The following GOLGA4 variants were observed in gnomAD, a reference collection of about 807,000 sequenced individuals.
The protein encoded by GOLGA4 is golgin subfamily A member 4.
A neutral mutation model predicts 265.9 loss-of-function variants in GOLGA4; 169 were observed. That is an observed-to-expected ratio of 0.64 (90% CI 0.56 to 0.72). The LOEUF (loss-of-function observed/expected upper bound fraction) is 0.72. Among genes scored for constraint, GOLGA4 ranks in the 30% least tolerant of loss-of-function variants. The probability of loss-of-function intolerance (pLI) is 0.00; values close to 1 mark genes in which losing one functional copy is unlikely to be tolerated. For missense variants in GOLGA4, 2,482 were observed against 2,483.4 expected, an observed-to-expected ratio of 1.00 and a Z score of 0.01; for synonymous variants, 923 against 855.8, an observed-to-expected ratio of 1.08 and a Z score of -1.37.
At chr3:37,306,094 A>G (rs1315692943) in intron 10 of GOLGA4, among the ~76,000 whole-genome samples, 1 of 152,254 alleles carries the variant, frequency 6.6e-6, no homozygotes, top group Non-Finnish European at 1.5e-5. Flanking sequence ...CTGTTATAAA[A>G]TACTGAGACT....
At chr3:37,261,004 CAA>C (rs11348079) in intron 2 of GOLGA4, among the ~76,000 whole-genome samples, 1,435 of 134,456 alleles carry the variant, frequency 0.011, 27 homozygotes, top group African/African-American at 0.034. Flanking sequence ...CTGTCTCTAC[CAA>C]AAAAAAAAAA....
rs1324818587 is a variant in GOLGA4, at chr3:37,337,166, A to G, written c.6327+3A>G. ...AGGTAACAATTATGGAGCTACAGGT[A>G]AGGCTAGTTCTTCTTTTTTTTTTTT... is the stretch of plus-strand genomic sequence containing the variant. On this transcript the variant is annotated splice_donor_region_variant and intron_variant, in intron 18 of 23. Transcript: ENST00000361924. 5 of 1,431,186 alleles carry G rather than the reference A, an allele frequency of 3.5e-6. No individual in the cohort carries two copies. The highest frequency in any genetic ancestry group is 3.9e-6 in the Non-Finnish European group (4 of 1,032,178). 88.7% of individuals were successfully genotyped at this position (1,431,186 alleles called of 1,614,324 possible). A position where few individuals can be genotyped will look rare whatever the true frequency, so the allele number is the denominator to read the frequency against.
At chr3:37,339,956 G>GTT (rs950068698) in intron 19 of GOLGA4, among the ~76,000 whole-genome samples, 168 bp from the exon 20 acceptor site, 2 of 146,614 alleles carry the variant, frequency 1.4e-5, no homozygotes, top group Non-Finnish European at 3.0e-5. Context: ...TTTAGTTTTA[G>GTT]TTTTTTTTTT....
chr3:37,302,788 A>G (rs1278204464), intron 10 of GOLGA4: 2 of 155,378 alleles, frequency 1.3e-5, no homozygotes, highest in Non-Finnish European at 2.8e-5. Context: ...TCTAAGTTAT[A>G]GTCTGCTTTT....
chr3:37,256,860 A>G (rs1379891882), intron 2 of GOLGA4, among the ~76,000 whole-genome samples: 2 of 151,772 alleles, frequency 1.3e-5, no homozygotes, highest in South Asian at 2.1e-4. Flanking sequence ...GGGTATCACT[A>G]TGTTGCTCTG....
rs1327054846 is a variant in GOLGA4 at position 37,243,310 on chromosome 3, G to A, written c.-241G>A. 6 of 551,440 alleles carry A rather than the reference G, an allele frequency of 1.1e-5. No homozygotes were observed. Among genetic ancestry groups the A allele is most frequent in the South Asian group, 2.3e-5 (1 of 43,280 alleles). The allele number at this position is 551,440 out of a possible 1,614,324, so 34.2% of individuals were successfully genotyped here. ...CGTTGTCGTCGCCGCCGCGGCTCCC[G>A]GGGCTGGATGGGGGGCCGAGGCCAG... is the stretch of plus-strand genomic sequence containing the variant. On this transcript the variant is annotated 5_prime_UTR_variant, in exon 1 of 24. Coordinates refer to ENST00000361924, the MANE Select transcript of GOLGA4 (RefSeq NM_002078.5).
chr3:37,257,106 T>G (rs1225342008), intron 2 of GOLGA4, among the ~76,000 whole-genome samples: 1 of 152,138 alleles, frequency 6.6e-6, no homozygotes, highest in Non-Finnish European at 1.5e-5. Flanking sequence ...CTAGCAACCA[T>G]TAATTTGCTT....
chr3:37,319,109 A>C lies in GOLGA4; in HGVS notation c.1460A>C (p.Lys487Thr). The change falls in exon 12 of 24, where the codon AAG becomes ACG. Residue 487 changes from lysine to threonine, a missense_variant. Physicochemically the swap from Lys to Thr is moderately conservative, Grantham distance 78 (BLOSUM62 -1). Around this residue, in one of 3 missense-constraint regions of GOLGA4, gnomAD observed 1,536 missense variants for 1,483.7 expected, o/e 1.04. Transcript: ENST00000361924. ...GCTAAGCTACAGAAGCTTCATGAAA[A>C]GGAGCTGGCCAGAAAAGAGCAGGAA... is the stretch of plus-strand genomic sequence containing the variant. ...QIAKLQKLHE[K>T]ELARKEQELT... 2.5e-6 allele frequency: 4 copies of C among 1,609,756 alleles called. No individual in the cohort carries two copies. Among genetic ancestry groups the C allele is most frequent in the African/African-American group, 1.3e-5 (1 of 74,818 alleles).
chr3:37,292,633 G>T (rs2096867876), intron 5 of GOLGA4, among the ~76,000 whole-genome samples: 1 of 151,988 alleles, frequency 6.6e-6, no homozygotes. Context: ...TTGGCAGTGA[G>T]CCTAGATCGC....
chr3:37,324,443 T>A lies in GOLGA4; in HGVS notation c.2557T>A (p.Cys853Ser), dbSNP rs1378945715. The A allele has an allele frequency of 6.2e-7, 1 of 1,614,190 alleles. No individual in the cohort carries two copies. Among genetic ancestry groups the A allele is most frequent in the Non-Finnish European group, 8.5e-7 (1 of 1,180,028 alleles). Residue 853 changes from cysteine to serine, a missense_variant, in exon 14 of 24, where the codon TGT (cysteine) becomes AGT (serine). Physicochemically the swap from Cys to Ser is moderately radical, Grantham distance 112 (BLOSUM62 -1). Coordinates refer to ENST00000361924, the MANE Select transcript of GOLGA4 (RefSeq NM_002078.5). Reference sequence around the variant, plus strand: ...AGTTGAAGCACAAAAGAAAGATGTTTGTACTGAGTTAGATGCTCACAAAAT... The same window carrying A: ...AGTTGAAGCACAAAAGAAAGATGTTAGTACTGAGTTAGATGCTCACAAAAT... ...AEVEAQKKDV[C>S]TELDAHKIQV... is the part of the protein sequence containing the mutation.
intron 23 of GOLGA4, among the ~76,000 whole-genome samples, chr3:37,364,542 A>T (rs906095957): frequency 6.6e-6 from 1 of 151,204 alleles, no homozygotes; most frequent in African/African-American, 2.4e-5. Flanking sequence ...GCTCCTGGCC[A>T]GCATTTTCAT....
intron 7 of GOLGA4, among the ~76,000 whole-genome samples, chr3:37,297,153 T>C (rs1170024180): frequency 6.6e-6 from 1 of 152,246 alleles, no homozygotes; most frequent in African/African-American, 2.4e-5. Context: ...TATTTTGTCT[T>C]AAAATTCAGT....
At chr3:37,245,875 A>G (rs1322937730) in intron 1 of GOLGA4, among the ~76,000 whole-genome samples, 1 of 152,024 alleles carries the variant, frequency 6.6e-6, no homozygotes, top group Admixed American at 6.6e-5. Context: ...TTCGTGGTCT[A>G]CTTTTGATAA....
At chr3:37,320,146 C>A (rs930179158) in intron 12 of GOLGA4, 1 of 151,618 alleles carries the variant, frequency 6.6e-6, no homozygotes, top group African/African-American at 2.4e-5. Flanking sequence ...ACAAAAACAA[C>A]CAGAAAGCAG....
chr3:37,282,331 A>G (rs2096837062), intron 3 of GOLGA4, 59 bp downstream of exon 3: 2 of 1,206,722 alleles, frequency 1.7e-6, no homozygotes, highest in Non-Finnish European at 2.4e-6. Flanking sequence ...TCTCATTCAT[A>G]TTACTGTATT....
chr3:37,256,312 C>T (rs548192896), intron 2 of GOLGA4, among the ~76,000 whole-genome samples: 10 of 151,982 alleles, frequency 6.6e-5, no homozygotes, highest in East Asian at 5.8e-4. Context: ...TTATATATTC[C>T]GTTCCACTGT....
intron 2 of GOLGA4, among the ~76,000 whole-genome samples, chr3:37,275,215 CAAAAAAAAAAAAAAAAA>C (rs749758741): frequency 8.9e-5 from 4 of 44,982 alleles, no homozygotes; most frequent in Admixed American, 3.5e-4. Context: ...GACTCCGTCT[CAAAAAAAAAAAAAAAAA>C]AAAAAAAAAG....
At chr3:37,284,402 C>T (rs1284285536) in intron 3 of GOLGA4, among the ~76,000 whole-genome samples, 8 of 152,158 alleles carry the variant, frequency 5.3e-5, no homozygotes, top group Admixed American at 4.6e-4. Context: ...TACAGGCATG[C>T]GCCACCATGC....
intron 11 of GOLGA4, among the ~76,000 whole-genome samples, chr3:37,318,284 C>A (rs1270925048): frequency 6.6e-6 from 1 of 152,060 alleles, no homozygotes; most frequent in Non-Finnish European, 1.5e-5. Flanking sequence ...TGGGCTCAAG[C>A]AATCCTCCTG....
Sources: gnomAD v4.1 joint callset for allele counts (sites outside exome capture counted in the v4.1 genomes callset) on GRCh38, gnomAD v4.1.1 for gene constraint, gnomAD v4.1.1 regional missense constraint, MANE v1.5 for transcripts, NCBI Gene and HGNC (gene_info 2026-07-23, HGNC 2026-07-21) for gene names.